Variants in NCOA1 observed in about 807,000 individuals in gnomAD.
NCOA1 encodes the protein nuclear receptor coactivator 1.
In NCOA1, 35 loss-of-function variants were observed where a neutral mutation model predicts 150.9. The observed-to-expected ratio is 0.23, with a 90% confidence interval of 0.18 to 0.31. The LOEUF is 0.31. Among genes scored for constraint, NCOA1 ranks in the 10% least tolerant of loss-of-function variants. NCOA1 has a pLI of 1.00. For synonymous variants in NCOA1, 590 were observed against 630.0 expected (o/e 0.94, Z 0.95); for missense variants, 1,491 against 1,749.3 (o/e 0.85, Z 2.63).
chr2:24,515,493 T>C (rs1222815418), intron 1 of NCOA1, among the ~76,000 whole-genome samples: 2 of 152,198 alleles, frequency 1.3e-5, no homozygotes, highest in South Asian at 4.1e-4. Flanking sequence ...TGCCACGGCC[T>C]CCTAGAGTTC....
rs1326620685 is a variant in NCOA1 at position 24,609,938 on chromosome 2, AT to A, written c.-175+25381del. Reference sequence around the variant, plus strand: ...TAATTTTTTCCTTGAGTCATATGTTATTTAGTGATACGGTTTTAAGTTTTGA... The same window carrying A: ...TAATTTTTTCCTTGAGTCATATGTTATTAGTGATACGGTTTTAAGTTTTGA... On this transcript the variant is annotated intron_variant, in intron 3 of 22. Transcript: ENST00000348332. 1.0e-3 allele frequency among the ~76,000 whole-genome samples: 159 copies of A among 151,956 alleles called. 2 individuals are homozygous for A. The highest frequency in any genetic ancestry group is 4.4e-4 in the Non-Finnish European group (30 of 67,938).
intron 1 of NCOA1, among the ~76,000 whole-genome samples, chr2:24,500,062 C>A (rs1479378982): frequency 6.6e-6 from 1 of 152,170 alleles, no homozygotes; most frequent in Non-Finnish European, 1.5e-5. Context: ...AGCCTTAACT[C>A]TTGGGACCCC....
Position 24,586,829 on chromosome 2 carries a change from C to A in NCOA1, c.-175+2269C>A, listed in dbSNP as rs547005676. 2.6e-5 allele frequency among the ~76,000 whole-genome samples: 4 copies of A among 152,144 alleles called. No homozygotes were observed. In the East Asian group the frequency reaches 7.7e-4, roughly 29 times the overall value. ...AGATCTCTGTCCTCTCAGAGACTTT[C>A]CTTATGCTGTCTGGCTCCCAGGAGC... is the stretch of plus-strand genomic sequence containing the variant. On this transcript the variant is annotated intron_variant, in intron 3 of 22. Transcript: ENST00000348332.
intron 21 of NCOA1, among the ~76,000 whole-genome samples, chr2:24,759,769 T>C (rs908364383): frequency 1.3e-5 from 2 of 152,120 alleles, no homozygotes; most frequent in African/African-American, 4.8e-5. Context: ...TGAGGTGATA[T>C]ATGTATGTAT....
intron 1 of NCOA1, among the ~76,000 whole-genome samples, chr2:24,507,413 T>C (rs753067506): frequency 4.7e-5 from 7 of 148,176 alleles, no homozygotes; most frequent in Non-Finnish European, 1.0e-4. Context: ...CCAGAACATA[T>C]ACAGTGAAGG....
chr2:24,583,272 A>G (rs1284481694), intron 2 of NCOA1, among the ~76,000 whole-genome samples: 1 of 152,212 alleles, frequency 6.6e-6, no homozygotes, highest in African/African-American at 2.4e-5. Flanking sequence ...CTCAAAAGGA[A>G]TATGCAAAAG....
rs145534474 is a variant in NCOA1 at position 24,616,332 on chromosome 2, G to A, written c.-174-27634G>A. Among the ~76,000 whole-genome samples the A allele has an allele frequency of 7.0e-3, 1,072 of 152,156 alleles. 12 individuals carry two copies. The highest frequency in any genetic ancestry group is 0.024 in the African/African-American group (1,005 of 41,518). On this transcript the variant is annotated intron_variant, in intron 3 of 22. Coordinates refer to ENST00000348332, the MANE Select transcript of NCOA1 (RefSeq NM_003743.5). ...TAGTACATAGTTTTAATTTGATACCGTTTGTTGCTCTTGTATGGATTTGAT... is the reference window on the plus strand; with the variant it reads ...TAGTACATAGTTTTAATTTGATACCATTTGTTGCTCTTGTATGGATTTGAT...
intron 3 of NCOA1, among the ~76,000 whole-genome samples, chr2:24,633,880 A>G (rs1018601246): frequency 2.6e-5 from 4 of 152,234 alleles, no homozygotes; most frequent in African/African-American, 7.2e-5. Flanking sequence ...GAAGATCTGG[A>G]CAAGATGCTA....
intron 3 of NCOA1, among the ~76,000 whole-genome samples, chr2:24,586,693 G>A (rs1667426733): frequency 6.6e-6 from 1 of 152,192 alleles, no homozygotes; most frequent in African/African-American, 2.4e-5. Flanking sequence ...GGCTCAGGCA[G>A]TCTGCCTGCC....
intron 14 of NCOA1, among the ~76,000 whole-genome samples, chr2:24,714,474 A>G (rs1184148794): frequency 6.6e-6 from 1 of 151,954 alleles, no homozygotes; most frequent in Non-Finnish European, 1.5e-5. Flanking sequence ...CAACATGAAC[A>G]TAATGAGGGA....
intron 1 of NCOA1, among the ~76,000 whole-genome samples, chr2:24,497,514 A>G (rs953899728): frequency 2.6e-5 from 4 of 152,276 alleles, no homozygotes; most frequent in Non-Finnish European, 5.9e-5. Flanking sequence ...TCTACTAAAA[A>G]TACAAAAAAT....
intron 1 of NCOA1, among the ~76,000 whole-genome samples, chr2:24,545,232 A>G (rs887761024): frequency 9.2e-5 from 14 of 152,142 alleles, no homozygotes; most frequent in African/African-American, 3.4e-4. Context: ...GGAATTTGCA[A>G]GATGAGCCTG....
chr2:24,701,371 G>A (rs74729311), intron 11 of NCOA1, among the ~76,000 whole-genome samples: 2,501 of 151,896 alleles, frequency 0.016, 75 homozygotes, highest in East Asian at 0.071. Context: ...TTAGCTAGGC[G>A]TGGCACACAG....
intron 20 of NCOA1, among the ~76,000 whole-genome samples, 173 bp from the exon 21 acceptor site, chr2:24,757,800 T>G (rs1391388517): frequency 6.6e-6 from 1 of 152,188 alleles, no homozygotes; most frequent in Non-Finnish European, 1.5e-5. Context: ...ATTTAATCCC[T>G]TATGTAGACT....
intron 3 of NCOA1, among the ~76,000 whole-genome samples, chr2:24,593,500 AT>A (rs1026920957): frequency 2.6e-5 from 4 of 151,274 alleles, no homozygotes; most frequent in East Asian, 1.9e-4. Flanking sequence ...TTGAATGTTT[AT>A]TTTTTTTTAC....
intron 1 of NCOA1, among the ~76,000 whole-genome samples, chr2:24,557,982 C>A (rs1263707113): frequency 6.6e-6 from 1 of 150,912 alleles, no homozygotes; most frequent in Non-Finnish European, 1.5e-5. Flanking sequence ...TTTTTTGGAT[C>A]TCTGGTTCAT....
At chr2:24,664,023 C>T (rs1488621284) in intron 5 of NCOA1, among the ~76,000 whole-genome samples, 1 of 152,198 alleles carries the variant, frequency 6.6e-6, no homozygotes, top group Non-Finnish European at 1.5e-5. Flanking sequence ...GAATCTACTA[C>T]ATATATCTTA....
At chr2:24,552,728 A>C (rs1196630723) in intron 1 of NCOA1, among the ~76,000 whole-genome samples, 1 of 151,922 alleles carries the variant, frequency 6.6e-6, no homozygotes, top group Non-Finnish European at 1.5e-5. Flanking sequence ...TCTCTTTTTA[A>C]TGTTTATACA....
intron 5 of NCOA1, among the ~76,000 whole-genome samples, chr2:24,660,937 T>C (rs978695980): frequency 1.3e-5 from 2 of 152,008 alleles, no homozygotes; most frequent in Admixed American, 1.3e-4. Flanking sequence ...GCCGGGCATC[T>C]GTAATCCCAG....
Sources: gnomAD v4.1 joint callset for allele counts (sites outside exome capture counted in the v4.1 genomes callset) on GRCh38, gnomAD v4.1.1 for gene constraint, MANE v1.5 for transcripts, NCBI Gene and HGNC (gene_info 2026-07-23, HGNC 2026-07-21) for gene names.